MBP: variants seen among roughly 807,000 people sequenced by gnomAD.
MBP encodes Golli-MBP.
A neutral mutation model predicts 35.8 loss-of-function variants in MBP; 16 were observed. The observed-to-expected ratio is 0.45, with a 90% CI of 0.30 to 0.68. The LOEUF (loss-of-function observed/expected upper bound fraction) is 0.68. Ranked by LOEUF, MBP falls within the 30% of genes least tolerant of loss-of-function variation. The probability of loss-of-function intolerance (pLI) is 0.08; values close to 1 mark genes in which losing one functional copy is unlikely to be tolerated. For synonymous variants in MBP, 143 were observed against 159.6 expected (o/e 0.90, Z 0.78); for missense variants, 380 against 404.7 (o/e 0.94, Z 0.52).
chr18:77,052,048 T>A (rs921744223), intron 3 of MBP, among the ~76,000 whole-genome samples: 1 of 152,028 alleles, frequency 6.6e-6, no homozygotes, highest in African/African-American at 2.4e-5. Context: ...TGGAAGAGGA[T>A]GAGGAGGCTG....
At chr18:77,003,748 ACTT>A (rs1970759919) in intron 4 of MBP, 1 of 152,152 alleles carries the variant, frequency 6.6e-6, no homozygotes, top group Admixed American at 6.5e-5. Flanking sequence ...CCTACATCAC[ACTT>A]CTTTTGTGGC....
At chr18:77,028,017 ATTCTTGGGTGT>A (rs1401041783) in intron 3 of MBP, among the ~76,000 whole-genome samples, 56 of 73,764 alleles carry the variant, frequency 7.6e-4, no homozygotes, top group Non-Finnish European at 1.6e-3. Flanking sequence ...TTTATTGATC[ATTCTTGGGTGT>A]TTCTTGCAGA....
chr18:77,044,130 G>A lies in MBP; in HGVS notation c.139+22168C>T, dbSNP rs76492785. Among the ~76,000 whole-genome samples the A allele has an allele frequency of 6.6e-6, 1 of 152,140 alleles. No individual in the cohort carries two copies. The highest frequency in any genetic ancestry group is 2.4e-5 in the African/African-American group (1 of 41,496). The stretch of plus-strand genomic sequence containing the variant: ...CGATGCCCTCCACGCTGCACACTGG[G>A]CTGGTCTGCAGAGGTCGAATGCACT... On this transcript the variant is annotated intron_variant, in intron 3 of 8. Transcript: ENST00000355994. This position sits in a 1 kb window ranked among gnomAD's most constrained non-coding sequence, Gnocchi z 4.4.
chr18:77,095,112 G>A (rs1269849879), intron 2 of MBP, among the ~76,000 whole-genome samples: 3 of 152,188 alleles, frequency 2.0e-5, no homozygotes, highest in Non-Finnish European at 4.4e-5. Flanking sequence ...GTTTTCTAGA[G>A]GTTTGTCATG....
chr18:77,043,146 C>T (rs75416371), intron 3 of MBP, among the ~76,000 whole-genome samples: 5,209 of 152,230 alleles, frequency 0.034, 108 homozygotes, highest in South Asian at 0.064. Context: ...AATGAAGAAA[C>T]TGAAATATTT....
At chr18:77,037,254 C>T (rs954006315) in intron 3 of MBP, among the ~76,000 whole-genome samples, 49 of 146,738 alleles carry the variant, frequency 3.3e-4, no homozygotes, top group Admixed American at 2.9e-3. Context: ...AAGTGCTGGT[C>T]ACATTTTGGA....
chr18:77,118,214 ACAGTGGGTTGGGGTGGGATGGGGT>A (rs1976758108), intron 1 of MBP, among the ~76,000 whole-genome samples: 8 of 99,548 alleles, frequency 8.0e-5, no homozygotes, highest in Admixed American at 7.0e-4. Flanking sequence ...TGGGATGGGG[ACAGTGGGTTGGGGTGGGATGGGGT>A]CAGTGGGTTC....
chr18:77,120,235 A>C (rs1976847830), intron 1 of MBP, among the ~76,000 whole-genome samples: 1 of 152,234 alleles, frequency 6.6e-6, no homozygotes, highest in Non-Finnish European at 1.5e-5. Context: ...GGCTTCTCCC[A>C]ACGCTGGCAA....
intron 7 of MBP, chr18:76,985,330 C>T: frequency 7.8e-7 from 1 of 1,290,238 alleles, no homozygotes; most frequent in Non-Finnish European, 1.0e-6. Context: ...AGGTGCCGGT[C>T]CCCGGAGGCC....
chr18:77,008,082 G>A (rs746480503), intron 4 of MBP, among the ~76,000 whole-genome samples: 6 of 152,116 alleles, frequency 3.9e-5, no homozygotes, highest in South Asian at 2.1e-4. Flanking sequence ...TGAGGACAGC[G>A]TGCCTCTCGT....
chr18:77,111,581 C>T (rs773748817), intron 1 of MBP, among the ~76,000 whole-genome samples: 7 of 152,226 alleles, frequency 4.6e-5, no homozygotes, highest in Non-Finnish European at 8.8e-5. Flanking sequence ...CAGGTCCACT[C>T]GGTCTTGTGA....
chr18:77,107,225 A>G (rs1322256003), intron 1 of MBP, among the ~76,000 whole-genome samples: 1 of 152,218 alleles, frequency 6.6e-6, no homozygotes, highest in Non-Finnish European at 1.5e-5. Flanking sequence ...AAAAACAGGT[A>G]ACTTCCTTTA....
chr18:76,999,369 C>T (rs933520532), intron 4 of MBP, among the ~76,000 whole-genome samples: 5 of 152,162 alleles, frequency 3.3e-5, no homozygotes, highest in South Asian at 2.1e-4. Flanking sequence ...GCCCCAGGAA[C>T]GCTTGTGACG....
chr18:77,010,369 A>G (rs1247900566), intron 4 of MBP, among the ~76,000 whole-genome samples: 1 of 152,240 alleles, frequency 6.6e-6, no homozygotes, highest in East Asian at 1.9e-4. Context: ...GACGTCTACC[A>G]TGGAATGGAT....
chr18:77,097,878 G>A (rs139598168), intron 2 of MBP, among the ~76,000 whole-genome samples: 2 of 152,092 alleles, frequency 1.3e-5, no homozygotes, highest in African/African-American at 4.8e-5. Flanking sequence ...GAGTGGGAGA[G>A]GTTTGCAGCA....
Position 77,120,221 on chromosome 18 carries a change from C to T in MBP, c.-26+12359G>A, listed in dbSNP as rs563551392. ...TCCTAATGCAGGGAACACACGCTCC[C>T]GTAGGCTTCTCCCAACGCTGGCAAA... is the stretch of plus-strand genomic sequence containing the variant. On this transcript the variant is annotated intron_variant, in intron 1 of 8. Transcript: ENST00000355994. Among the ~76,000 whole-genome samples the T allele has an allele frequency of 5.8e-3, 881 of 152,364 alleles. 3 individuals are homozygous for T. The highest frequency in any genetic ancestry group is 8.3e-3 in the Non-Finnish European group (567 of 68,034).
rs145421145 is a variant in MBP at position 76,993,267 on chromosome 18, T to C, written c.577-3207A>G. ...CATGAGGAATGAAAGAGGGATCCCA[T>C]TTTGGCTGGGTGTGGTGGCTCGTGC... On this transcript the variant is annotated intron_variant, in intron 4 of 8. Coordinates refer to ENST00000355994, the MANE Select transcript of MBP (RefSeq NM_001025101.2). Among the ~76,000 whole-genome samples the C allele has an allele frequency of 3.9e-3, 599 of 152,252 alleles. 4 individuals carry two copies. The highest frequency in any genetic ancestry group is 0.01 in the Middle Eastern group (3 of 294).
intron 4 of MBP, among the ~76,000 whole-genome samples, chr18:76,999,157 G>A (rs978435365): frequency 6.6e-6 from 1 of 152,106 alleles, no homozygotes; most frequent in Non-Finnish European, 1.5e-5. Context: ...AAGAAACAAC[G>A]GGAGGAGGTG....
At chr18:77,016,503 A>G in intron 4 of MBP, 1 of 1,191,728 alleles carries the variant, frequency 8.4e-7, no homozygotes, top group Non-Finnish European at 1.0e-6. Flanking sequence ...AGCACACACC[A>G]CCAGAGACCC....
Sources: allele counts gnomAD v4.1 joint callset (sites outside exome capture counted in the v4.1 genomes callset), GRCh38; gene constraint gnomAD v4.1.1; non-coding constraint Gnocchi (gnomAD v3.1); transcripts MANE v1.5; gene names NCBI Gene and HGNC (gene_info 2026-07-23, HGNC 2026-07-21).